SNTB1: variants seen among roughly 807,000 people sequenced by gnomAD.
SNTB1 encodes the protein beta-1-syntrophin.
A neutral mutation model predicts 48.9 loss-of-function variants in SNTB1; 36 were observed. The ratio of observed to expected loss-of-function variants is 0.74; its 90% confidence interval spans 0.56 to 0.97. The LOEUF (loss-of-function observed/expected upper bound fraction) is 0.97, where lower values mean the gene tolerates loss of function less well. Among genes scored for constraint, SNTB1 ranks in the 50% least tolerant of loss-of-function variants. SNTB1 has a pLI of 0.00. For synonymous variants in SNTB1, 299 were observed against 294.6 expected (o/e 1.01, Z -0.15); for missense variants, 786 against 703.4 (o/e 1.12, Z -1.33).
At chr8:120,579,575 A>AGGCTG (rs1196542052) in intron 3 of SNTB1, among the ~76,000 whole-genome samples, 1 of 152,086 alleles carries the variant, frequency 6.6e-6, no homozygotes, top group Non-Finnish European at 1.5e-5. Flanking sequence ...AGCTACTCGG[A>AGGCTG]AGGCTGAGGT....
chr8:120,548,986 CA>C, intron 4 of SNTB1, 28 bp from the exon 5 acceptor site: 1 of 1,497,606 alleles, frequency 6.7e-7, no homozygotes, highest in South Asian at 1.3e-5. Flanking sequence ...GAGACATCAT[CA>C]AAATGGAGAC....
At chr8:120,778,641 T>C (rs1819778763) in intron 1 of SNTB1, among the ~76,000 whole-genome samples, 1 of 152,174 alleles carries the variant, frequency 6.6e-6, no homozygotes, top group Non-Finnish European at 1.5e-5. Context: ...CAAACATGGA[T>C]TGATTTCCGA....
intron 2 of SNTB1, among the ~76,000 whole-genome samples, chr8:120,681,928 G>GA (rs1005964205): frequency 2.0e-5 from 3 of 151,326 alleles, no homozygotes; most frequent in African/African-American, 7.3e-5. Flanking sequence ...GTAAATGGAG[G>GA]AAAAAAGAAC....
chr8:120,713,576 A>G (rs1485243333), intron 1 of SNTB1, among the ~76,000 whole-genome samples: 1 of 152,180 alleles, frequency 6.6e-6, no homozygotes, highest in Non-Finnish European at 1.5e-5. Flanking sequence ...CTAAAAATAC[A>G]AAAATTAGCT....
chr8:120,718,740 T>C (rs752243051), intron 1 of SNTB1, among the ~76,000 whole-genome samples: 2 of 152,026 alleles, frequency 1.3e-5, no homozygotes, highest in Non-Finnish European at 2.9e-5. Flanking sequence ...TTGCTGCTAC[T>C]GAACCAAACA....
chr8:120,737,020 A>T (rs568088235), intron 1 of SNTB1, among the ~76,000 whole-genome samples: 1 of 152,332 alleles, frequency 6.6e-6, no homozygotes, highest in South Asian at 2.1e-4. Context: ...TTGACTGTTC[A>T]TCAACGTGAT....
chr8:120,576,659 G>A (rs1050303761), intron 3 of SNTB1, among the ~76,000 whole-genome samples: 7 of 152,104 alleles, frequency 4.6e-5, no homozygotes, highest in Non-Finnish European at 1.0e-4. Context: ...GTGCTGACTC[G>A]GGAGCTAGCA....
chr8:120,664,021 A>G (rs113944723), intron 2 of SNTB1, among the ~76,000 whole-genome samples: 2,667 of 152,332 alleles, frequency 0.018, 96 homozygotes, highest in African/African-American at 0.06. Flanking sequence ...GACAGGGGAT[A>G]CAAAGATAAA....
At chr8:120,809,761 G>C (rs761005811) in intron 1 of SNTB1, among the ~76,000 whole-genome samples, 4 of 152,086 alleles carry the variant, frequency 2.6e-5, no homozygotes, top group Non-Finnish European at 5.9e-5. Context: ...CTTTTTTTCT[G>C]TTATGTTAAT....
At chr8:120,770,824 T>G (rs972590643) in intron 1 of SNTB1, among the ~76,000 whole-genome samples, 2 of 152,044 alleles carry the variant, frequency 1.3e-5, no homozygotes, top group African/African-American at 4.8e-5. Context: ...AAAAAAAAAT[T>G]TTTAAAAAGT....
chr8:120,590,583 T>C (rs1401385552), intron 3 of SNTB1, among the ~76,000 whole-genome samples: 3 of 152,190 alleles, frequency 2.0e-5, no homozygotes, highest in Non-Finnish European at 2.9e-5. Flanking sequence ...CCATCACATA[T>C]GAAAAGACAT....
chr8:120,566,801 C>T (rs542917044), intron 4 of SNTB1, among the ~76,000 whole-genome samples: 1 of 152,304 alleles, frequency 6.6e-6, no homozygotes, highest in East Asian at 1.9e-4. Flanking sequence ...GCTGGGCAAG[C>T]CAGAAACTCT....
In SNTB1 at chr8:120,647,144, GT is replaced by G. The variant is rs1382749411; in HGVS notation, c.789-14494del. 4.2e-4 allele frequency among the ~76,000 whole-genome samples: 57 copies of G among 137,182 alleles called. 1 individual carries two copies. The highest frequency in any genetic ancestry group is 7.1e-3 in the Middle Eastern group (2 of 282). The allele number at this position is 137,182 out of a possible 152,430, so 90.0% of individuals were successfully genotyped here. A position where few individuals can be genotyped will look rare whatever the true frequency, so the allele number is the denominator to read the frequency against. On this transcript the variant is annotated intron_variant, in intron 2 of 6. Transcript: ENST00000517992. ...CCTGGATTCATTAATTTTTTGAAGG[GT>G]TTTTTGTGTCTCTATTTCCTTCAGT... is the stretch of plus-strand genomic sequence containing the variant.
intron 2 of SNTB1, among the ~76,000 whole-genome samples, chr8:120,650,230 G>C (rs1194951039): frequency 6.6e-6 from 1 of 152,154 alleles, no homozygotes; most frequent in East Asian, 1.9e-4. Flanking sequence ...TTTGGCTCTG[G>C]CTTATAAGAT....
At chr8:120,705,936 A>C (rs1438022357) in intron 1 of SNTB1, among the ~76,000 whole-genome samples, 2 of 152,210 alleles carry the variant, frequency 1.3e-5, no homozygotes, top group Non-Finnish European at 2.9e-5. Flanking sequence ...CTAGAGTCAG[A>C]GCATCTGGGT....
intron 2 of SNTB1, among the ~76,000 whole-genome samples, chr8:120,690,137 G>A (rs1278711134): frequency 6.6e-6 from 1 of 152,078 alleles, no homozygotes; most frequent in Non-Finnish European, 1.5e-5. Flanking sequence ...TTTTATTACA[G>A]TATATTGTTA....
At chr8:120,600,908 C>T (rs551689340) in intron 3 of SNTB1, among the ~76,000 whole-genome samples, 7 of 151,964 alleles carry the variant, frequency 4.6e-5, no homozygotes, top group Admixed American at 3.9e-4. Flanking sequence ...TCCAGCCCAG[C>T]CTTGCTCATC....
At chr8:120,641,312 A>C (rs185881707) in intron 2 of SNTB1, among the ~76,000 whole-genome samples, 1 of 152,206 alleles carries the variant, frequency 6.6e-6, no homozygotes, top group African/African-American at 2.4e-5. Flanking sequence ...GGTGGTTATC[A>C]ACTGGCTTTT....
At position 120,788,912 on chromosome 8, in the gene SNTB1, C is replaced by T. The variant is rs112092219; in HGVS notation, c.571+22361G>A. 6.9e-4 allele frequency among the ~76,000 whole-genome samples: 105 copies of T among 152,152 alleles called. 1 individual carries two copies. Among genetic ancestry groups the T allele is most frequent in the Middle Eastern group, 3.4e-3 (1 of 294 alleles). On this transcript the variant is annotated intron_variant, in intron 1 of 6. Coordinates refer to ENST00000517992, the MANE Select transcript of SNTB1 (RefSeq NM_021021.4). Reference sequence around the variant, plus strand: ...ATGGATCTAAAAGACCCTTACAAAACATACTACCCAAGAACTTCAGAATAC... The same window carrying T: ...ATGGATCTAAAAGACCCTTACAAAATATACTACCCAAGAACTTCAGAATAC...
Sources: allele counts gnomAD v4.1 joint callset (sites outside exome capture counted in the v4.1 genomes callset), GRCh38; gene constraint gnomAD v4.1.1; transcripts MANE v1.5; gene names NCBI Gene and HGNC (gene_info 2026-07-23, HGNC 2026-07-21).